DGKB: variants seen among roughly 807,000 people sequenced by gnomAD.
DGKB encodes 90 kDa diacylglycerol kinase.
A neutral mutation model predicts 114.3 loss-of-function variants in DGKB; 67 were observed. The ratio of observed to expected loss-of-function variants is 0.59; its 90% CI spans 0.48 to 0.72. The LOEUF (loss-of-function observed/expected upper bound fraction) is 0.72. Ranked by LOEUF, DGKB falls within the 30% of genes least tolerant of loss-of-function variation. DGKB has a pLI of 0.00. For synonymous variants in DGKB, 398 were observed against 323.1 expected (o/e 1.23, Z -2.49); for missense variants, 907 against 975.2 (o/e 0.93, Z 0.93).
At chr7:14,806,667 G>A (rs1405887229) in intron 2 of DGKB, among the ~76,000 whole-genome samples, 1 of 151,854 alleles carries the variant, frequency 6.6e-6, no homozygotes, top group Admixed American at 6.6e-5. Flanking sequence ...GTAGTACCTT[G>A]TAACAGTCAC....
At chr7:14,960,740 C>T (rs1426292274) in intron 1 of DGKB, among the ~76,000 whole-genome samples, 4 of 152,018 alleles carry the variant, frequency 2.6e-5, no homozygotes, top group Non-Finnish European at 5.9e-5. Flanking sequence ...TTACTAATGT[C>T]ACATCACAGA....
chr7:14,832,832 C>G (rs1311992763), intron 2 of DGKB, among the ~76,000 whole-genome samples: 1 of 152,052 alleles, frequency 6.6e-6, no homozygotes, highest in East Asian at 1.9e-4. Flanking sequence ...TAACTACTCA[C>G]AATGCAAAGG....
chr7:14,540,631 G>C (rs996148889), intron 20 of DGKB, among the ~76,000 whole-genome samples: 2 of 152,058 alleles, frequency 1.3e-5, no homozygotes, highest in African/African-American at 2.4e-5. Flanking sequence ...ATATAGTTTA[G>C]TTTACTATTT....
intron 20 of DGKB, among the ~76,000 whole-genome samples, chr7:14,528,758 C>G (rs1236061776): frequency 6.6e-6 from 1 of 152,012 alleles, no homozygotes; most frequent in Non-Finnish European, 1.5e-5. Flanking sequence ...TGGGATATAT[C>G]TTTCGCAAGA....
chr7:14,958,950 T>G (rs1472266570), intron 1 of DGKB, among the ~76,000 whole-genome samples: 2 of 152,056 alleles, frequency 1.3e-5, no homozygotes, highest in African/African-American at 4.8e-5. Flanking sequence ...AGAATCCAAA[T>G]AAAAAGCTAA....
At chr7:14,192,613 G>T (rs1439323383) in intron 23 of DGKB, among the ~76,000 whole-genome samples, 1 of 152,016 alleles carries the variant, frequency 6.6e-6, no homozygotes, top group African/African-American at 2.4e-5. Flanking sequence ...AATGTTTTTG[G>T]CACCAGGGAC....
chr7:14,688,790 TAGTGATTCTAA>T (rs1156997983), intron 9 of DGKB, among the ~76,000 whole-genome samples: 1 of 151,800 alleles, frequency 6.6e-6, no homozygotes, highest in Non-Finnish European at 1.5e-5. Flanking sequence ...CCTATTATCC[TAGTGATTCTAA>T]AGTTTTAGTT....
chr7:14,248,074 C>T (rs1160286693), intron 23 of DGKB, among the ~76,000 whole-genome samples: 1 of 151,944 alleles, frequency 6.6e-6, no homozygotes, highest in Non-Finnish European at 1.5e-5. Flanking sequence ...ATGTGGATGT[C>T]CAGGTTTCCC....
intron 1 of DGKB, among the ~76,000 whole-genome samples, chr7:14,897,635 G>T (rs572666981): frequency 2.0e-5 from 3 of 151,810 alleles, no homozygotes; most frequent in South Asian, 4.2e-4. Flanking sequence ...TTTTAATTTT[G>T]TGATATGGAA....
chr7:14,582,207 G>T (rs918155955), intron 18 of DGKB, among the ~76,000 whole-genome samples: 2 of 152,116 alleles, frequency 1.3e-5, no homozygotes, highest in Admixed American at 6.6e-5. Context: ...AGACCAAAAA[G>T]AGTCAATATT....
At chr7:14,589,428 A>G (rs1057384133) in intron 17 of DGKB, among the ~76,000 whole-genome samples, 2 of 152,034 alleles carry the variant, frequency 1.3e-5, no homozygotes, top group African/African-American at 4.8e-5. Flanking sequence ...ATTGTTGAAT[A>G]GGAGTATTCA....
At chr7:14,193,939 G>T (rs1475345917) in intron 23 of DGKB, among the ~76,000 whole-genome samples, 1 of 151,954 alleles carries the variant, frequency 6.6e-6, no homozygotes, top group Non-Finnish European at 1.5e-5. Context: ...TTAGTTATAT[G>T]AAAAAAATGC....
At chr7:14,658,637 A>G (rs1014632813) in intron 13 of DGKB, among the ~76,000 whole-genome samples, 3 of 151,912 alleles carry the variant, frequency 2.0e-5, no homozygotes, top group Non-Finnish European at 4.4e-5. Context: ...TGACCTGATC[A>G]TTACACATTT....
chr7:14,965,942 A>G (rs971308032), intron 1 of DGKB, among the ~76,000 whole-genome samples: 21 of 151,670 alleles, frequency 1.4e-4, no homozygotes, highest in African/African-American at 5.1e-4. Context: ...TACTTCTGTC[A>G]AAAAAAACTA....
At chr7:14,812,725 T>G (rs755963183) in intron 2 of DGKB, among the ~76,000 whole-genome samples, 2 of 152,174 alleles carry the variant, frequency 1.3e-5, no homozygotes, top group African/African-American at 2.4e-5. Flanking sequence ...TTCACTCTAT[T>G]AATTCTTCTC....
chr7:14,748,683 T>G (rs1181510130), intron 4 of DGKB, among the ~76,000 whole-genome samples: 1 of 152,090 alleles, frequency 6.6e-6, no homozygotes, highest in Non-Finnish European at 1.5e-5. Context: ...TAATGTGGAG[T>G]GAGTTTTTAG....
intron 1 of DGKB, among the ~76,000 whole-genome samples, chr7:14,933,007 C>T (rs1587408051): frequency 6.6e-6 from 1 of 152,144 alleles, no homozygotes; most frequent in African/African-American, 2.4e-5. Context: ...GAATAGTTTC[C>T]TATCTGCTCC....
intron 1 of DGKB, among the ~76,000 whole-genome samples, chr7:14,963,859 C>T (rs1787003255): frequency 6.6e-6 from 1 of 152,100 alleles, no homozygotes; most frequent in African/African-American, 2.4e-5. Context: ...CAGTCAAGCA[C>T]TGGCAAACGT....
chr7:14,828,166 A>G (rs953294111), intron 2 of DGKB, among the ~76,000 whole-genome samples: 5 of 152,106 alleles, frequency 3.3e-5, no homozygotes, highest in Non-Finnish European at 7.4e-5. Context: ...GTTTTTTAAA[A>G]GGACATTAGA....
Sources: gnomAD v4.1 joint callset for allele counts (sites outside exome capture counted in the v4.1 genomes callset) on GRCh38, gnomAD v4.1.1 for gene constraint, MANE v1.5 for transcripts, NCBI Gene and HGNC (gene_info 2026-07-23, HGNC 2026-07-21) for gene names.